SULT2A1: variants seen among roughly 807,000 people sequenced by gnomAD.
The protein encoded by SULT2A1 is sulfotransferase family 2A member 1.
In SULT2A1, 43 loss-of-function variants were observed where a neutral mutation model predicts 33.9. That is an observed-to-expected ratio of 1.27 (90% confidence interval 1.00 to 1.64). The LOEUF (loss-of-function observed/expected upper bound fraction) is 1.64. Ranked by LOEUF, SULT2A1 falls within the 40% of genes most tolerant of loss-of-function variation. The pLI is 0.00. For missense variants in SULT2A1, 300 were observed against 335.1 expected, an observed-to-expected ratio of 0.90 and a Z score of 0.82; for synonymous variants, 125 against 113.6, an observed-to-expected ratio of 1.10 and a Z score of -0.64.
chr19:47,874,564 C>G, intron 5 of SULT2A1, 93 bp downstream of exon 5: 1 of 591,748 alleles, frequency 1.7e-6, no homozygotes, highest in Non-Finnish European at 2.6e-6. Context: ...AAAAAAAGCA[C>G]TCTTTCATCT....
intron 5 of SULT2A1, among the ~76,000 whole-genome samples, chr19:47,873,481 G>T (rs947357234): frequency 2.0e-5 from 3 of 151,378 alleles, no homozygotes; most frequent in Non-Finnish European, 1.5e-5. Context: ...CTGGAAAAAT[G>T]GATTCTTTCA....
intron 1 of SULT2A1, among the ~76,000 whole-genome samples, chr19:47,884,615 A>G (rs889122105): frequency 6.6e-6 from 1 of 151,502 alleles, no homozygotes; most frequent in Non-Finnish European, 1.5e-5. Context: ...TCAGCCTCGC[A>G]AGTATCTGAG....
rs750713459 is a variant in SULT2A1, at chr19:47,886,248, C to A, written c.10G>T (p.Asp4Tyr). 1.9e-6 allele frequency: 3 copies of A among 1,613,896 alleles called. No homozygotes were observed. In the East Asian group the frequency reaches 6.7e-5, roughly 36 times the overall value. ...GCTATGCCTTCAAACCATAAGAAAT[C>A]GTCCGACATGATGATGACCTCTTCC... MSD[D>Y]FLWFEGIAFP... The change falls in exon 1 of 6, where the codon GAT (aspartate) becomes TAT (tyrosine). Residue 4 changes from aspartate (D) to tyrosine (Y), a missense_variant. By Grantham distance (160) the Asp-to-Tyr change is radical. Transcript: ENST00000222002.
intron 5 of SULT2A1, 88 bp downstream of exon 5, chr19:47,874,569 T>G: frequency 1.1e-6 from 1 of 943,074 alleles, no homozygotes; most frequent in Non-Finnish European, 1.6e-6. Context: ...AAGCACTCTT[T>G]CATCTCAACT....
At chr19:47,873,190 C>T (rs1213660718) in intron 5 of SULT2A1, among the ~76,000 whole-genome samples, 7 of 151,572 alleles carry the variant, frequency 4.6e-5, no homozygotes, top group Admixed American at 2.6e-4. Flanking sequence ...TGTTTTGAGC[C>T]GGAGTTTCAC....
At chr19:47,881,778 C>T (rs1220155439) in intron 3 of SULT2A1, among the ~76,000 whole-genome samples, 1 of 151,982 alleles carries the variant, frequency 6.6e-6, no homozygotes, top group East Asian at 1.9e-4. Context: ...TCCCGGAAGC[C>T]AGTGAAAAGC....
rs371548779 is a variant in SULT2A1 at position 47,882,133 on chromosome 19, C to T, written c.423G>A (p.Lys141=). 5.5e-5 allele frequency: 89 copies of T among 1,613,886 alleles called. 1 individual carries two copies. In the African/African-American group the frequency reaches 9.7e-4, roughly 18 times the overall value. The change falls in exon 3 of 6, where the codon AAG becomes AAA. Residue 141 remains lysine, a synonymous_variant. Coordinates refer to ENST00000222002, the MANE Select transcript of SULT2A1 (RefSeq NM_003167.4). ...AATATTCTTCCCATGACTTTGGTTTCTTAATAAACTTCATGTTTTTCCAGA... is the reference window on the plus strand; with the variant it reads ...AATATTCTTCCCATGACTTTGGTTTTTTAATAAACTTCATGTTTTTCCAGA... ...YFFWKNMKFI[K]KPKSWEEYFE...
At chr19:47,876,591 G>A (rs62129967) in intron 4 of SULT2A1, among the ~76,000 whole-genome samples, 1 of 152,082 alleles carries the variant, frequency 6.6e-6, no homozygotes, top group Non-Finnish European at 1.5e-5. Context: ...TCAACGTGGT[G>A]AAACCCCATC....
At chr19:47,884,435 C>T (rs1264707883) in intron 1 of SULT2A1, among the ~76,000 whole-genome samples, 2 of 151,246 alleles carry the variant, frequency 1.3e-5, no homozygotes, top group Non-Finnish European at 2.9e-5. Context: ...GCCTCGGCCT[C>T]CCCAAGTGCT....
Position 47,870,778 on chromosome 19 carries a change from G to C in SULT2A1, c.*677C>G, listed in dbSNP as rs1968481912. 1 of 147,108 alleles carries C rather than the reference G, an allele frequency of 6.8e-6. No individual in the cohort carries two copies. Among genetic ancestry groups the C allele is most frequent in the South Asian group, 2.3e-4 (1 of 4,434 alleles). 9.1% of individuals were successfully genotyped at this position (147,108 alleles called of 1,614,324 possible). On this transcript the variant is annotated 3_prime_UTR_variant, in exon 6 of 6. Transcript: ENST00000222002. The stretch of plus-strand genomic sequence containing the variant: ...CATTGCAAACATTTAAAAAAGTCTG[G>C]GATCCCATGACTCAACTCACTGCAA...
At chr19:47,885,440 A>G (rs2122159362) in intron 1 of SULT2A1, among the ~76,000 whole-genome samples, 1 of 152,326 alleles carries the variant, frequency 6.6e-6, no homozygotes, top group South Asian at 2.1e-4. Flanking sequence ...CTCAAGGATG[A>G]ATAACATTCC....
rs775634703 is a variant in SULT2A1, at chr19:47,886,298, T to C, written c.-41A>G. 43 of 1,609,670 alleles carry C rather than the reference T, an allele frequency of 2.7e-5. No homozygotes were observed. Among genetic ancestry groups the C allele is most frequent in the East Asian group, 1.1e-4 (5 of 44,798 alleles). On this transcript the variant is annotated 5_prime_UTR_variant, in exon 1 of 6. Coordinates refer to ENST00000222002, the MANE Select transcript of SULT2A1 (RefSeq NM_003167.4). ...CTGCGTGGTGTGAGGGTTTCAACTG[T>C]AGCCACCGCTGGAGGCTGTGGCAGC...
intron 1 of SULT2A1, among the ~76,000 whole-genome samples, 194 bp from the exon 2 acceptor site, chr19:47,883,979 G>A (rs182079007): frequency 1.3e-5 from 2 of 150,982 alleles, no homozygotes; most frequent in Non-Finnish European, 3.0e-5. Context: ...GGTGGCGGGC[G>A]CCTAAAATCC....
intron 4 of SULT2A1, among the ~76,000 whole-genome samples, chr19:47,877,077 A>AT (rs1288406840): frequency 1.4e-5 from 1 of 74,042 alleles, no homozygotes; most frequent in Non-Finnish European, 2.8e-5. Context: ...ACTCCACCTC[A>AT]TAAAAAAAAA....
At chr19:47,871,970 T>G (rs941466412) in intron 5 of SULT2A1, among the ~76,000 whole-genome samples, 3 of 151,692 alleles carry the variant, frequency 2.0e-5, no homozygotes, top group Non-Finnish European at 1.5e-5. Flanking sequence ...CAGGCTGGAG[T>G]GCAGTAGCGC....
chr19:47,875,035 G>T (rs1421043646), intron 4 of SULT2A1, among the ~76,000 whole-genome samples: 1 of 151,614 alleles, frequency 6.6e-6, no homozygotes, highest in East Asian at 1.9e-4. Flanking sequence ...GGTGGTGGGC[G>T]CCGGTAATCC....
Position 47,882,143 on chromosome 19 carries a change from T to A in SULT2A1, c.413A>T (p.Lys138Met), listed in dbSNP as rs1396324408. The A allele has an allele frequency of 3.7e-6, 6 of 1,613,918 alleles. No individual in the cohort carries two copies. The East Asian group carries it at 1.1e-4, about 30-fold the overall frequency. The stretch of plus-strand genomic sequence containing the variant: ...CCATGACTTTGGTTTCTTAATAAAC[T>A]TCATGTTTTTCCAGAAAAAATAACC... The part of the protein sequence containing the change: ...VSGYFFWKNM[K>M]FIKKPKSWEE... The change falls in exon 3 of 6, where the codon AAG becomes ATG. Residue 138 changes from lysine (K) to methionine (M), a missense_variant. Lys to Met is a moderately conservative substitution (Grantham distance 95). Transcript: ENST00000222002.
rs1385507037 is a variant in SULT2A1 at position 47,883,766 on chromosome 19, C to G, written c.156G>C (p.Glu52Asp). ...YPKSGTNWLA[E>D]ILCLMHSKGD... ...CCTTGGAGTGCATCAGGCAGAGAAT[C>G]TCAGCCAACCAGTTTGTTCCTGGAA... Residue 52 changes from glutamate (E) to aspartate (D), a missense_variant, in exon 2 of 6, where the codon GAG becomes GAC. Physicochemically the swap from Glu to Asp is conservative, Grantham distance 45. Transcript: ENST00000222002. The G allele has an allele frequency of 6.2e-7, 1 of 1,614,022 alleles. No homozygotes were observed. The highest frequency in any genetic ancestry group is 8.5e-7 in the Non-Finnish European group (1 of 1,179,998).
chr19:47,883,698 G>T lies in SULT2A1; in HGVS notation c.224C>A (p.Ser75Ter). 6.2e-7 allele frequency: 1 copy of T among 1,614,134 alleles called. No homozygotes were observed. Among genetic ancestry groups the T allele is most frequent in the Non-Finnish European group, 8.5e-7 (1 of 1,180,024 alleles). ...WIQSVPIWERSPWVESEIGYT... is the reference protein window; with the variant it reads ...WIQSVPIWER ...CCCAATCTCACTCTCTACCCAGGGT[G>T]ATCGCTCCCAGATGGGCACAGATTG... The change falls in exon 2 of 6, where the codon TCA becomes TAA. Residue 75 changes from serine to a stop codon, truncating the protein, a stop_gained. Coordinates refer to ENST00000222002, the MANE Select transcript of SULT2A1 (RefSeq NM_003167.4). LOFTEE classifies it high-confidence loss of function.
Sources: allele counts gnomAD v4.1 joint callset (sites outside exome capture counted in the v4.1 genomes callset), GRCh38; gene constraint gnomAD v4.1.1; transcripts MANE v1.5; gene names NCBI Gene and HGNC (gene_info 2026-07-23, HGNC 2026-07-21).